Variants in LSAMP observed in about 807,000 individuals in gnomAD.
The protein encoded by LSAMP is limbic system associated membrane protein.
LSAMP carries 7 observed loss-of-function variants against 38.6 expected under a neutral mutation model. The observed-to-expected ratio is 0.18, with a 90% CI of 0.10 to 0.34. The LOEUF (loss-of-function observed/expected upper bound fraction) is 0.34, where lower values mean the gene tolerates loss of function less well. LSAMP is among the 10% of genes least tolerant of loss of function. LSAMP has a pLI of 1.00. For synonymous variants in LSAMP, 154 were observed against 166.8 expected (o/e 0.92, Z 0.59); for missense variants, 313 against 420.0 (o/e 0.75, Z 2.23).
chr3:116,033,438 C>T (rs1170552420), intron 2 of LSAMP, among the ~76,000 whole-genome samples: 1 of 152,142 alleles, frequency 6.6e-6, no homozygotes, highest in East Asian at 1.9e-4. Context: ...TTTCTCTTCT[C>T]TTACTTCTGC....
Position 116,297,011 on chromosome 3 carries a change from C to CCTAT in LSAMP, c.155+147862_155+147865dup, listed in dbSNP as rs111679245. On this transcript the variant is annotated intron_variant, in intron 1 of 6. Transcript: ENST00000490035. ...AGGATTCTTTTCCTCGTATCTCTTGCCTATCTTTGAAGAAGTAAAAAGTAT... is the reference window on the plus strand; with the variant it reads ...AGGATTCTTTTCCTCGTATCTCTTGCCTATCTATCTTTGAAGAAGTAAAAAGTAT... Among the ~76,000 whole-genome samples the CCTAT allele has an allele frequency of 3.6e-3, 548 of 152,230 alleles. 4 individuals carry two copies. Among genetic ancestry groups the CCTAT allele is most frequent in the African/African-American group, 0.013 (522 of 41,526 alleles).
intron 3 of LSAMP, among the ~76,000 whole-genome samples, chr3:115,983,142 C>T (rs1192382875): frequency 1.3e-5 from 2 of 151,964 alleles, no homozygotes; most frequent in African/African-American, 2.4e-5. Context: ...TTCTGAGATG[C>T]AAAAAGGAAA....
intron 3 of LSAMP, among the ~76,000 whole-genome samples, chr3:115,976,826 T>TC: frequency 6.6e-6 from 1 of 152,162 alleles, no homozygotes; most frequent in East Asian, 1.9e-4. Flanking sequence ...TGTGCTTGCT[T>TC]CCCCTTTGCC....
chr3:116,015,674 C>T (rs564982207), intron 3 of LSAMP, among the ~76,000 whole-genome samples: 65 of 152,070 alleles, frequency 4.3e-4, no homozygotes, highest in Non-Finnish European at 8.5e-4. Flanking sequence ...AAAAATTCAC[C>T]ATTCTTCTAA....
At chr3:116,023,215 C>A (rs762066372) in intron 2 of LSAMP, among the ~76,000 whole-genome samples, 3 of 151,836 alleles carry the variant, frequency 2.0e-5, no homozygotes, top group African/African-American at 2.4e-5. Flanking sequence ...TCATTCTTTA[C>A]TCCCAGTCCC....
At chr3:116,080,927 G>T (rs1161746476) in intron 2 of LSAMP, among the ~76,000 whole-genome samples, 5 of 152,138 alleles carry the variant, frequency 3.3e-5, no homozygotes, top group African/African-American at 9.7e-5. Context: ...ATGTATAATT[G>T]TTGAAAGAAT....
At chr3:116,409,887 A>T (rs1262280910) in intron 1 of LSAMP, among the ~76,000 whole-genome samples, 2 of 152,034 alleles carry the variant, frequency 1.3e-5, no homozygotes, top group Admixed American at 1.3e-4. Context: ...GGAAAAAGAG[A>T]ATTATTGGCA....
intron 1 of LSAMP, among the ~76,000 whole-genome samples, chr3:116,279,966 T>TA (rs2047107627): frequency 6.6e-6 from 1 of 152,142 alleles, no homozygotes; most frequent in Non-Finnish European, 1.5e-5. Context: ...AAACAATCAT[T>TA]AAAAAATCCG....
intron 3 of LSAMP, among the ~76,000 whole-genome samples, chr3:115,869,028 T>A (rs1015284567): frequency 1.3e-5 from 2 of 152,182 alleles, no homozygotes; most frequent in African/African-American, 4.8e-5. Context: ...TTCTAGAATA[T>A]GAGTGTTTTC....
intron 1 of LSAMP, among the ~76,000 whole-genome samples, chr3:116,356,010 T>C (rs1312886420): frequency 3.3e-5 from 5 of 152,120 alleles, no homozygotes; most frequent in African/African-American, 1.2e-4. Flanking sequence ...CTATGGAGAA[T>C]AGTTCAGAGG....
intron 3 of LSAMP, among the ~76,000 whole-genome samples, chr3:116,001,474 G>A (rs1320017298): frequency 6.6e-6 from 1 of 152,186 alleles, no homozygotes; most frequent in Non-Finnish European, 1.5e-5. Context: ...GCTTGTGTTA[G>A]TTTGTTATTG....
intron 2 of LSAMP, among the ~76,000 whole-genome samples, chr3:116,065,736 C>G (rs1707413490): frequency 6.6e-6 from 1 of 152,176 alleles, no homozygotes; most frequent in Non-Finnish European, 1.5e-5. Context: ...GAACTGTTTA[C>G]TACCTTTTGT....
intron 1 of LSAMP, among the ~76,000 whole-genome samples, chr3:116,308,394 T>C (rs573604395): frequency 7.9e-5 from 12 of 152,212 alleles, no homozygotes; most frequent in Admixed American, 1.3e-4. Flanking sequence ...CTTCTCTGTA[T>C]CATCACAGCC....
intron 3 of LSAMP, among the ~76,000 whole-genome samples, chr3:116,017,634 G>A (rs1940521239): frequency 6.6e-6 from 1 of 151,994 alleles, no homozygotes; most frequent in African/African-American, 2.4e-5. Context: ...AAATTTGGCT[G>A]TAAGTTTACT....
At chr3:116,369,411 A>G (rs1351950587) in intron 1 of LSAMP, among the ~76,000 whole-genome samples, 1 of 152,174 alleles carries the variant, frequency 6.6e-6, no homozygotes, top group Non-Finnish European at 1.5e-5. Flanking sequence ...CTTCCAGAAA[A>G]TATTTTTATG....
chr3:115,853,021 T>A (rs888585017), intron 3 of LSAMP, among the ~76,000 whole-genome samples: 1 of 152,144 alleles, frequency 6.6e-6, no homozygotes, highest in African/African-American at 2.4e-5. Context: ...CACTCGTCGC[T>A]GGTTAAGGGT....
At chr3:115,845,290 C>T (rs1406974462) in intron 4 of LSAMP, among the ~76,000 whole-genome samples, 1 of 152,118 alleles carries the variant, frequency 6.6e-6, no homozygotes, top group African/African-American at 2.4e-5. Context: ...CACATTGGCC[C>T]ATTGATGTTG....
At chr3:115,990,993 T>A (rs1223943234) in intron 3 of LSAMP, among the ~76,000 whole-genome samples, 1 of 152,074 alleles carries the variant, frequency 6.6e-6, no homozygotes. Flanking sequence ...GTAGATTGGC[T>A]ACTATAAAGA....
In LSAMP at chr3:116,201,772, A is replaced by T. The variant is rs150015652; in HGVS notation, c.156-115216T>A. Among the ~76,000 whole-genome samples, 1,408 of 152,252 alleles carry T rather than the reference A, an allele frequency of 9.2e-3. 15 individuals are homozygous for T. The highest frequency in any genetic ancestry group is 0.031 in the Middle Eastern group (9 of 294). ...TTTTCCCCTCAGTATTAACACCTTGACTGGACCTAACTGAAGACTCTTTCC... is the reference window on the plus strand; with the variant it reads ...TTTTCCCCTCAGTATTAACACCTTGTCTGGACCTAACTGAAGACTCTTTCC... On this transcript the variant is annotated intron_variant, in intron 1 of 6. Coordinates refer to ENST00000490035, the MANE Select transcript of LSAMP (RefSeq NM_002338.5).
Sources: allele counts gnomAD v4.1 joint callset (sites outside exome capture counted in the v4.1 genomes callset), GRCh38; gene constraint gnomAD v4.1.1; transcripts MANE v1.5; gene names NCBI Gene and HGNC (gene_info 2026-07-23, HGNC 2026-07-21).